Variants in PTPRD observed in about 807,000 individuals in gnomAD.
PTPRD encodes the protein protein tyrosine phosphatase receptor type D, also known as receptor-type tyrosine-protein phosphatase delta.
In PTPRD, 34 loss-of-function variants were observed where a neutral mutation model predicts 214.5. That is an observed-to-expected ratio of 0.16 (90% confidence interval 0.12 to 0.21). PTPRD has a LOEUF of 0.21. Ranked by LOEUF, PTPRD falls within the 10% of genes least tolerant of loss-of-function variation. The pLI is 1.00. For missense variants in PTPRD, 2,545 were observed against 2,398.7 expected (o/e 1.06, Z -1.27); for synonymous variants, 1,128 against 845.7 (o/e 1.33, Z -5.79).
chr9:10,046,402 G>C (rs1243390851), intron 3 of PTPRD, among the ~76,000 whole-genome samples: 1 of 151,758 alleles, frequency 6.6e-6, no homozygotes, highest in Non-Finnish European at 1.5e-5. Context: ...ATTCAAAGTT[G>C]TTTCAGGGAT....
intron 3 of PTPRD, among the ~76,000 whole-genome samples, chr9:10,252,858 A>G (rs1404881627): frequency 6.6e-6 from 1 of 151,990 alleles, no homozygotes; most frequent in Non-Finnish European, 1.5e-5. Context: ...ATCTCGACTC[A>G]CTGCAACCTC....
chr9:9,861,769 T>G (rs2062829575), intron 5 of PTPRD, among the ~76,000 whole-genome samples: 1 of 152,186 alleles, frequency 6.6e-6, no homozygotes, highest in Non-Finnish European at 1.5e-5. Context: ...AAAATTATTT[T>G]CAAAAGACTA....
chr9:9,816,947 T>C (rs1414448949), intron 5 of PTPRD, among the ~76,000 whole-genome samples: 1 of 152,058 alleles, frequency 6.6e-6, no homozygotes, highest in African/African-American at 2.4e-5. Flanking sequence ...GAACAATTAA[T>C]AGAAAATAAG....
chr9:9,615,917 C>G (rs2094830675), intron 7 of PTPRD, among the ~76,000 whole-genome samples: 1 of 152,186 alleles, frequency 6.6e-6, no homozygotes, highest in Admixed American at 6.5e-5. Context: ...TAACTACTCT[C>G]TATTTTGTAA....
chr9:9,015,896 T>A (rs535113602), intron 11 of PTPRD, among the ~76,000 whole-genome samples: 12 of 152,152 alleles, frequency 7.9e-5, no homozygotes, highest in African/African-American at 2.9e-4. Context: ...GCACAAACTT[T>A]GTTGTTGTTA....
chr9:9,474,970 A>T (rs16929560), intron 8 of PTPRD, among the ~76,000 whole-genome samples: 3 of 151,650 alleles, frequency 2.0e-5, no homozygotes, highest in Non-Finnish European at 2.9e-5. Context: ...TGTTTTCTCA[A>T]GTTTTTACTT....
At chr9:8,425,284 T>C (rs1356463866) in intron 35 of PTPRD, among the ~76,000 whole-genome samples, 1 of 152,192 alleles carries the variant, frequency 6.6e-6, no homozygotes, top group East Asian at 1.9e-4. Flanking sequence ...ACGTACTCAT[T>C]TGGTCCCTCA....
intron 3 of PTPRD, among the ~76,000 whole-genome samples, chr9:10,222,974 A>G (rs2099576294): frequency 6.6e-6 from 1 of 152,064 alleles, no homozygotes; most frequent in African/African-American, 2.4e-5. Context: ...GAGGTTCTAT[A>G]CCAAGCCAGA....
At chr9:9,482,326 A>T (rs879466528) in intron 8 of PTPRD, among the ~76,000 whole-genome samples, 2 of 152,238 alleles carry the variant, frequency 1.3e-5, no homozygotes, top group Admixed American at 1.3e-4. Flanking sequence ...TTCTAGAGTC[A>T]TGGTATTCTA....
intron 35 of PTPRD, among the ~76,000 whole-genome samples, chr9:8,411,771 G>C (rs899152092): frequency 3.3e-5 from 5 of 152,162 alleles, no homozygotes; most frequent in Admixed American, 6.6e-5. Context: ...CAGATAAGGT[G>C]AATAATAAGA....
chr9:9,927,698 T>A (rs994796713), intron 5 of PTPRD, among the ~76,000 whole-genome samples: 5 of 152,172 alleles, frequency 3.3e-5, no homozygotes, highest in Admixed American at 3.3e-4. Flanking sequence ...TTAATATCTA[T>A]CTATTTTTCC....
intron 11 of PTPRD, among the ~76,000 whole-genome samples, chr9:8,852,418 G>A (rs771785548): frequency 1.1e-4 from 16 of 152,128 alleles, no homozygotes; most frequent in Non-Finnish European, 1.5e-4. Flanking sequence ...TAGCCTTTCT[G>A]GTCAATGAAT....
chr9:10,288,359 C>G (rs910267921), intron 3 of PTPRD, among the ~76,000 whole-genome samples: 3 of 151,780 alleles, frequency 2.0e-5, no homozygotes, highest in African/African-American at 7.3e-5. Context: ...CCAGCTGGAT[C>G]ATTAATTTAA....
chr9:9,503,981 C>T (rs1219225225), intron 8 of PTPRD, among the ~76,000 whole-genome samples: 2 of 151,708 alleles, frequency 1.3e-5, no homozygotes, highest in African/African-American at 4.8e-5. Context: ...AATCTCAAAA[C>T]AATTATGTAA....
At chr9:8,353,818 ATATATGTATATATGTAT>A (rs1250515501) in intron 39 of PTPRD, among the ~76,000 whole-genome samples, 2 of 17,952 alleles carry the variant, frequency 1.1e-4, no homozygotes, top group Admixed American at 7.0e-4. Flanking sequence ...TCAAAAAAAA[ATATATGTATATATGTAT>A]ATATGTATAT....
intron 2 of PTPRD, among the ~76,000 whole-genome samples, chr9:10,583,545 G>A (rs1318335662): frequency 6.6e-6 from 1 of 151,670 alleles, no homozygotes; most frequent in Admixed American, 6.6e-5. Flanking sequence ...TCCGCCTCCC[G>A]GGTTCACACC....
At chr9:9,207,391 T>A (rs190433445) in intron 9 of PTPRD, among the ~76,000 whole-genome samples, 1 of 151,954 alleles carries the variant, frequency 6.6e-6, no homozygotes, top group East Asian at 1.9e-4. Context: ...TGCCTTTATC[T>A]AAAATACAAA....
Position 10,511,973 on chromosome 9 carries a change from T to A in PTPRD, c.-600+100425A>T, listed in dbSNP as rs2048316674. ...GTGTGTGTATATATATATACGTGTGTGTGTATATATATATACGTGTGTGTA... is the reference window on the plus strand; with the variant it reads ...GTGTGTGTATATATATATACGTGTGAGTGTATATATATATACGTGTGTGTA... On this transcript the variant is annotated intron_variant, in intron 2 of 45. Coordinates refer to ENST00000381196, the MANE Select transcript of PTPRD (RefSeq NM_002839.4). Among the ~76,000 whole-genome samples, 2 of 90,938 alleles carry A rather than the reference T, an allele frequency of 2.2e-5. 1 individual carries two copies. The highest frequency in any genetic ancestry group is 7.7e-5 in the African/African-American group (2 of 25,924). The allele number at this position is 90,938 out of a possible 152,430, so 59.7% of individuals were successfully genotyped here. A position where few individuals can be genotyped will look rare whatever the true frequency, so the allele number is the denominator to read the frequency against.
At chr9:9,307,753 A>C (rs563549031) in intron 9 of PTPRD, among the ~76,000 whole-genome samples, 1 of 152,300 alleles carries the variant, frequency 6.6e-6, no homozygotes, top group South Asian at 2.1e-4. Flanking sequence ...AAAATTCAAA[A>C]TCCTTAGCTT....
Sources: gnomAD v4.1 joint callset for allele counts (sites outside exome capture counted in the v4.1 genomes callset) on GRCh38, gnomAD v4.1.1 for gene constraint, MANE v1.5 for transcripts, NCBI Gene and HGNC (gene_info 2026-07-23, HGNC 2026-07-21) for gene names.